CNTNAP2: variants seen among roughly 807,000 people sequenced by gnomAD.
CNTNAP2 encodes the protein contactin associated protein 2.
Under a neutral mutation model 155.2 loss-of-function variants are expected in CNTNAP2, and 98 were observed. The ratio of observed to expected loss-of-function variants is 0.63; its 90% CI spans 0.54 to 0.75. CNTNAP2 has a LOEUF of 0.75. Among genes scored for constraint, CNTNAP2 ranks in the 30% least tolerant of loss-of-function variants. The pLI is 0.00. For missense variants in CNTNAP2, 1,727 were observed against 1,688.1 expected (o/e 1.02, Z -0.40); for synonymous variants, 651 against 631.2 (o/e 1.03, Z -0.47).
chr7:147,087,409 T>G (rs1800300981), intron 4 of CNTNAP2, among the ~76,000 whole-genome samples: 1 of 152,142 alleles, frequency 6.6e-6, no homozygotes, highest in African/African-American at 2.4e-5. Flanking sequence ...AGCAAAGATG[T>G]GTGTAAGTGC....
chr7:147,766,486 A>T (rs762931745), intron 13 of CNTNAP2, among the ~76,000 whole-genome samples: 5 of 152,154 alleles, frequency 3.3e-5, no homozygotes, highest in Non-Finnish European at 7.4e-5. Flanking sequence ...CAGGTTGATC[A>T]GTATCATGAT....
At chr7:146,912,290 C>G (rs1796299788) in intron 3 of CNTNAP2, among the ~76,000 whole-genome samples, 1 of 150,372 alleles carries the variant, frequency 6.7e-6, no homozygotes, top group African/African-American at 2.4e-5. Flanking sequence ...GTGCTTTTGA[C>G]AATGTAATTC....
At chr7:146,692,821 A>G (rs1447173900) in intron 1 of CNTNAP2, among the ~76,000 whole-genome samples, 1 of 152,176 alleles carries the variant, frequency 6.6e-6, no homozygotes, top group Admixed American at 6.6e-5. Context: ...AGTGATTGCT[A>G]TTATGACTAT....
At chr7:147,891,358 T>C (rs1204867855) in intron 13 of CNTNAP2, among the ~76,000 whole-genome samples, 1 of 152,004 alleles carries the variant, frequency 6.6e-6, no homozygotes, top group Admixed American at 6.5e-5. Flanking sequence ...GCGTGCACCA[T>C]CATGCCCGGC....
At position 148,413,446 on chromosome 7, in the gene CNTNAP2, ATT is replaced by A. The variant is rs1563079556; in HGVS notation, c.3797-1970_3797-1969del. On this transcript the variant is annotated intron_variant, in intron 23 of 23. Transcript: ENST00000361727. ...TATATATATATATATATATATATAT[ATT>A]GCTCCATAGTTTTCTTGTAACATTT... Among the ~76,000 whole-genome samples the A allele has an allele frequency of 1.1e-3, 124 of 108,106 alleles. 9 individuals carry two copies. Among genetic ancestry groups the A allele is most frequent in the African/African-American group, 4.3e-3 (117 of 27,134 alleles). The allele number at this position is 108,106 out of a possible 152,430, so 70.9% of individuals were successfully genotyped here. A position where few individuals can be genotyped will look rare whatever the true frequency, so the allele number is the denominator to read the frequency against.
chr7:147,653,258 C>CT (rs1183165338), intron 13 of CNTNAP2, among the ~76,000 whole-genome samples: 33 of 152,136 alleles, frequency 2.2e-4, no homozygotes, highest in African/African-American at 4.8e-4. Flanking sequence ...TCTTCTTCTT[C>CT]TTTTTTTGAT....
intron 14 of CNTNAP2, among the ~76,000 whole-genome samples, chr7:147,912,271 C>A (rs1356840865): frequency 1.3e-5 from 2 of 152,128 alleles, no homozygotes; most frequent in African/African-American, 4.8e-5. Flanking sequence ...CCAATTACAC[C>A]CAAGCACACA....
intron 1 of CNTNAP2, among the ~76,000 whole-genome samples, chr7:146,737,863 G>A (rs974207606): frequency 2.0e-5 from 3 of 151,832 alleles, no homozygotes; most frequent in South Asian, 4.1e-4. Flanking sequence ...GTGTGTGTGC[G>A]TGCATATAGA....
At chr7:147,554,993 C>G (rs1799924829) in intron 11 of CNTNAP2, among the ~76,000 whole-genome samples, 1 of 152,154 alleles carries the variant, frequency 6.6e-6, no homozygotes, top group African/African-American at 2.4e-5. Flanking sequence ...AGGAGGGTCT[C>G]AAGGTCATTG....
intron 1 of CNTNAP2, among the ~76,000 whole-genome samples, chr7:146,121,119 CTTTTTTTTTTTT>C (rs745449281): frequency 6.1e-5 from 4 of 65,784 alleles, no homozygotes; most frequent in African/African-American, 2.1e-4. Flanking sequence ...ATAAAGCTTC[CTTTTTTTTTTTT>C]TTTTTTTTTT....
intron 4 of CNTNAP2, among the ~76,000 whole-genome samples, chr7:147,060,128 A>G (rs765523092): frequency 6.6e-6 from 1 of 152,062 alleles, no homozygotes; most frequent in Non-Finnish European, 1.5e-5. Flanking sequence ...AAGAGCGATT[A>G]TGTATTTGCT....
chr7:147,424,539 T>A lies in CNTNAP2; in HGVS notation c.1670+28759T>A, dbSNP rs115660708. Among the ~76,000 whole-genome samples the A allele has an allele frequency of 3.7e-3, 561 of 152,216 alleles. 2 individuals are homozygous for A. Among genetic ancestry groups the A allele is most frequent in the African/African-American group, 0.013 (539 of 41,558 alleles). The stretch of plus-strand genomic sequence containing the variant: ...CCTCGATTTTCTCATTTCCAAACAG[T>A]GGAGAGCCCCAGGTTTCAGTCCTTG... On this transcript the variant is annotated intron_variant, in intron 10 of 23. Transcript: ENST00000361727.
At chr7:146,326,184 A>G (rs892912296) in intron 1 of CNTNAP2, among the ~76,000 whole-genome samples, 2 of 152,178 alleles carry the variant, frequency 1.3e-5, no homozygotes, top group East Asian at 1.9e-4. Context: ...GCATACACAT[A>G]CACATGCACT....
chr7:147,310,822 T>A (rs1004297450), intron 9 of CNTNAP2, among the ~76,000 whole-genome samples: 1 of 152,122 alleles, frequency 6.6e-6, no homozygotes, highest in Non-Finnish European at 1.5e-5. Context: ...TGCAATATAA[T>A]TTTGCAGCGA....
chr7:146,652,591 T>C (rs553003389), intron 1 of CNTNAP2, among the ~76,000 whole-genome samples: 3 of 152,276 alleles, frequency 2.0e-5, no homozygotes, highest in Admixed American at 6.5e-5. Context: ...TGGGTTATTA[T>C]TAATGACTGA....
At chr7:146,441,299 A>G (rs1032739016) in intron 1 of CNTNAP2, among the ~76,000 whole-genome samples, 2 of 151,452 alleles carry the variant, frequency 1.3e-5, no homozygotes, top group Admixed American at 1.3e-4. Flanking sequence ...GCAAAATAAA[A>G]TTTTTTGGGG....
At chr7:147,023,966 C>G (rs1798858081) in intron 3 of CNTNAP2, among the ~76,000 whole-genome samples, 1 of 152,176 alleles carries the variant, frequency 6.6e-6, no homozygotes, top group Admixed American at 6.5e-5. Flanking sequence ...TCCCGAATCT[C>G]CTATTCATGT....
rs71175651 is a variant in CNTNAP2 at position 146,486,046 on chromosome 7, CTTTTTTTTTTTTTTTTTTTT to C, written c.98-288208_98-288189del. Among the ~76,000 whole-genome samples, 40 of 42,606 alleles carry C rather than the reference CTTTTTTTTTTTTTTTTTTTT, an allele frequency of 9.4e-4. 1 individual carries two copies. Among genetic ancestry groups the C allele is most frequent in the African/African-American group, 2.9e-3 (35 of 11,900 alleles). 28.0% of individuals were successfully genotyped at this position (42,606 alleles called of 152,430 possible). ...AAAAATGTACCCAACCCACAGCAGT[CTTTTTTTTTTTTTTTTTTTT>C]TTTTTTTTTTTTTTTTGAGACAGAG... is the stretch of plus-strand genomic sequence containing the variant. On this transcript the variant is annotated intron_variant, in intron 1 of 23. Transcript: ENST00000361727.
chr7:147,579,390 A>C (rs545953987), intron 12 of CNTNAP2, among the ~76,000 whole-genome samples: 1 of 152,332 alleles, frequency 6.6e-6, no homozygotes, highest in East Asian at 1.9e-4. Flanking sequence ...ACAAACACAC[A>C]TAAAATCTGA....
Sources: gnomAD v4.1 joint callset for allele counts (sites outside exome capture counted in the v4.1 genomes callset) on GRCh38, gnomAD v4.1.1 for gene constraint, MANE v1.5 for transcripts, NCBI Gene and HGNC (gene_info 2026-07-23, HGNC 2026-07-21) for gene names.